Variants in ZBTB7C observed in about 807,000 individuals in gnomAD.
The protein encoded by ZBTB7C is zinc finger and BTB domain-containing protein 7C.
ZBTB7C carries 8 observed loss-of-function variants against 25.7 expected under a neutral mutation model. That is an observed-to-expected ratio of 0.31 (90% confidence interval 0.18 to 0.56). The LOEUF (loss-of-function observed/expected upper bound fraction) is 0.56, where lower values mean the gene tolerates loss of function less well. Ranked by LOEUF, ZBTB7C falls within the 20% of genes least tolerant of loss-of-function variation. ZBTB7C has a pLI of 0.91. For missense variants in ZBTB7C, 824 were observed against 855.2 expected (o/e 0.96, Z 0.46); for synonymous variants, 394 against 369.0 (o/e 1.07, Z -0.78).
chr18:48,222,792 C>T (rs950394093), intron 2 of ZBTB7C, among the ~76,000 whole-genome samples: 1 of 152,046 alleles, frequency 6.6e-6, no homozygotes, highest in African/African-American at 2.4e-5. Flanking sequence ...AAAGAGTGTC[C>T]AGCTTTCTCA....
rs76041639 is a variant in ZBTB7C at position 48,037,592 on chromosome 18, C to T, written c.1208+2308G>A. ...GGCGTGGACCTCACAGAAGGCTGTG[C>T]GTGGGGAAGGCCCAGAGGAAAGGGA... On this transcript the variant is annotated intron_variant, in intron 4 of 4. Coordinates refer to ENST00000590800, the MANE Select transcript of ZBTB7C (RefSeq NM_001318841.2). 8.6e-3 allele frequency among the ~76,000 whole-genome samples: 1,303 copies of T among 152,224 alleles called. 22 individuals are homozygous for T. Among genetic ancestry groups the T allele is most frequent in the African/African-American group, 0.03 (1,228 of 41,502 alleles).
At chr18:48,174,458 G>T (rs542102991) in intron 3 of ZBTB7C, among the ~76,000 whole-genome samples, 1 of 152,340 alleles carries the variant, frequency 6.6e-6, no homozygotes, top group Admixed American at 6.5e-5. Context: ...TGGCAAGGTC[G>T]TGGGAAAACA....
Position 48,401,018 on chromosome 18 carries a change from T to G in ZBTB7C, c.-304+8208A>C, listed in dbSNP as rs112675366. Among the ~76,000 whole-genome samples, 258 of 152,312 alleles carry G rather than the reference T, an allele frequency of 1.7e-3. 1 individual carries two copies. Among genetic ancestry groups the G allele is most frequent in the African/African-American group, 5.8e-3 (240 of 41,560 alleles). ...AGCAGTGACATCTGGATTCAGCTCCTGAAGCCACTGCATGATTTTAACAAG... is the reference window on the plus strand; with the variant it reads ...AGCAGTGACATCTGGATTCAGCTCCGGAAGCCACTGCATGATTTTAACAAG... On this transcript the variant is annotated intron_variant, in intron 1 of 4. Coordinates refer to ENST00000590800, the MANE Select transcript of ZBTB7C (RefSeq NM_001318841.2).
rs537258905 is a variant in ZBTB7C at position 48,063,305 on chromosome 18, T to C, written c.-16-22182A>G. Among the ~76,000 whole-genome samples the C allele has an allele frequency of 1.3e-4, 20 of 152,178 alleles. 1 individual carries two copies. Among genetic ancestry groups the C allele is most frequent in the South Asian group, 1.2e-3 (6 of 4,810 alleles). On this transcript the variant is annotated intron_variant, in intron 3 of 4. Transcript: ENST00000590800. ...ACTAGACAAACAGCGCAGGGGCTTT[T>C]CCCCCCCAGCTTACACCCTTGAGGT...
chr18:48,143,413 A>G (rs1157861006), intron 3 of ZBTB7C, among the ~76,000 whole-genome samples: 1 of 152,206 alleles, frequency 6.6e-6, no homozygotes, highest in Non-Finnish European at 1.5e-5. Context: ...CTAAGAAAAA[A>G]ATGCACTAAG....
At chr18:48,170,024 T>G (rs2041414381) in intron 3 of ZBTB7C, 1 of 151,706 alleles carries the variant, frequency 6.6e-6, no homozygotes, top group South Asian at 2.1e-4. Context: ...AGAAACACAA[T>G]TAAAATGTCA....
chr18:48,059,736 AT>A (rs2037053753), intron 3 of ZBTB7C, among the ~76,000 whole-genome samples: 1 of 152,142 alleles, frequency 6.6e-6, no homozygotes, highest in Admixed American at 6.6e-5. Flanking sequence ...GGTACACTTA[AT>A]CCCACAGAAC....
At chr18:48,131,109 G>C (rs1289807812) in intron 3 of ZBTB7C, among the ~76,000 whole-genome samples, 1 of 152,166 alleles carries the variant, frequency 6.6e-6, no homozygotes, top group Non-Finnish European at 1.5e-5. Flanking sequence ...TCACCATATT[G>C]GTCAGGCAGG....
intron 3 of ZBTB7C, among the ~76,000 whole-genome samples, chr18:48,152,724 A>G (rs2040717294): frequency 6.6e-6 from 1 of 152,190 alleles, no homozygotes; most frequent in African/African-American, 2.4e-5. Flanking sequence ...GGAAAACGGG[A>G]TTTGGTTTCG....
intron 3 of ZBTB7C, among the ~76,000 whole-genome samples, chr18:48,112,260 C>CTTTTTTTTTT (rs1048802422): frequency 8.3e-6 from 1 of 120,054 alleles, no homozygotes; most frequent in Non-Finnish European, 1.8e-5. Context: ...TAATTTTTTT[C>CTTTTTTTTTT]TTTTTTTTTT....
chr18:48,292,418 C>G (rs538166729), intron 2 of ZBTB7C, among the ~76,000 whole-genome samples: 1 of 152,256 alleles, frequency 6.6e-6, no homozygotes, highest in East Asian at 1.9e-4. Flanking sequence ...GACTCCAGAG[C>G]TTTTCACTAT....
At chr18:48,331,761 A>G (rs1260021065) in intron 2 of ZBTB7C, among the ~76,000 whole-genome samples, 3 of 152,210 alleles carry the variant, frequency 2.0e-5, no homozygotes, top group Non-Finnish European at 4.4e-5. Flanking sequence ...CTCCCAGGAC[A>G]AGCTGTATAT....
upstream of ZBTB7C, among the ~76,000 whole-genome samples, chr18:48,410,994 A>G (rs2048380081): frequency 6.6e-6 from 1 of 152,254 alleles, no homozygotes; most frequent in African/African-American, 2.4e-5. Context: ...TACAGAATTC[A>G]CAAAAATAAG....
At chr18:48,185,214 T>C in intron 3 of ZBTB7C, 1 of 346,006 alleles carries the variant, frequency 2.9e-6, no homozygotes, top group South Asian at 2.3e-5. Flanking sequence ...ATGGCCTCCC[T>C]CCTCCATCAG....
At chr18:48,316,429 G>C (rs1035773083) in intron 2 of ZBTB7C, among the ~76,000 whole-genome samples, 2 of 152,204 alleles carry the variant, frequency 1.3e-5, no homozygotes, top group African/African-American at 4.8e-5. Flanking sequence ...TGCAGCATGG[G>C]GGTGATATCA....
At chr18:48,112,816 G>C (rs763953344) in intron 3 of ZBTB7C, among the ~76,000 whole-genome samples, 1 of 152,192 alleles carries the variant, frequency 6.6e-6, no homozygotes, top group Non-Finnish European at 1.5e-5. Flanking sequence ...GAGGATTGAG[G>C]ATCGCATTCC....
chr18:48,172,473 G>A (rs1394856917), intron 3 of ZBTB7C, among the ~76,000 whole-genome samples: 1 of 152,212 alleles, frequency 6.6e-6, no homozygotes, highest in African/African-American at 2.4e-5. Flanking sequence ...TGTGTGCCCT[G>A]TCTCCATGAG....
At chr18:48,315,847 C>G (rs2045935516) in intron 2 of ZBTB7C, among the ~76,000 whole-genome samples, 1 of 152,196 alleles carries the variant, frequency 6.6e-6, no homozygotes, top group South Asian at 2.1e-4. Context: ...TAAAGCATAA[C>G]TCAACTGGAA....
chr18:48,258,560 A>G (rs1171290158), intron 2 of ZBTB7C, among the ~76,000 whole-genome samples: 1 of 152,230 alleles, frequency 6.6e-6, no homozygotes, highest in Middle Eastern at 3.2e-3. Context: ...AAAATTAAAG[A>G]TCTAAATACA....
Sources: allele counts gnomAD v4.1 joint callset (sites outside exome capture counted in the v4.1 genomes callset), GRCh38; gene constraint gnomAD v4.1.1; transcripts MANE v1.5; gene names NCBI Gene and HGNC (gene_info 2026-07-23, HGNC 2026-07-21).